The following PTPN9 variants were observed in gnomAD, a reference collection of about 807,000 sequenced individuals.
PTPN9 encodes protein tyrosine phosphatase non-receptor type 9, also known as tyrosine-protein phosphatase non-receptor type 9.
Under a neutral mutation model 69.8 loss-of-function variants are expected in PTPN9, and 26 were observed. That is an observed-to-expected ratio of 0.37 (90% confidence interval 0.27 to 0.52). The LOEUF (loss-of-function observed/expected upper bound fraction) is 0.52, where lower values mean the gene tolerates loss of function less well. Ranked by LOEUF, PTPN9 falls within the 20% of genes least tolerant of loss-of-function variation. PTPN9 has a pLI of 0.91. For missense variants in PTPN9, 549 were observed against 740.3 expected (o/e 0.74, Z 3.00); for synonymous variants, 274 against 272.5 (o/e 1.01, Z -0.05).
chr15:75,504,068 G>C, intron 7 of PTPN9, among the ~76,000 whole-genome samples: 1 of 130,006 alleles, frequency 7.7e-6, no homozygotes, highest in African/African-American at 2.9e-5. Flanking sequence ...GACCCGTCCG[G>C]GAGGGAGGTG....
chr15:75,480,207 T>C (rs1014822063), intron 8 of PTPN9, among the ~76,000 whole-genome samples: 2 of 152,180 alleles, frequency 1.3e-5, no homozygotes, highest in East Asian at 1.9e-4. Context: ...CAGAATAAAA[T>C]ATAAGAGTAA....
chr15:75,501,049 T>G (rs1173788860), intron 7 of PTPN9, among the ~76,000 whole-genome samples: 1 of 152,182 alleles, frequency 6.6e-6, no homozygotes, highest in Non-Finnish European at 1.5e-5. Context: ...TTTTCTCCTC[T>G]TATTTTCCTT....
intron 10 of PTPN9, among the ~76,000 whole-genome samples, chr15:75,471,851 G>A (rs1210775850): frequency 1.3e-5 from 2 of 151,920 alleles, no homozygotes; most frequent in Non-Finnish European, 1.5e-5. Flanking sequence ...GGCGGAGGTT[G>A]CAGTGAGCTG....
At position 75,578,707 on chromosome 15, in the gene PTPN9, C is replaced by A; in HGVS notation, c.63+7G>T. ...ACACCCAACGCGGCGGCCTCGGGCCCGCTTACCTGCTCCTCCTCCGGGGTC... is the reference window on the plus strand; with the variant it reads ...ACACCCAACGCGGCGGCCTCGGGCCAGCTTACCTGCTCCTCCTCCGGGGTC... On this transcript the variant is annotated splice_region_variant and intron_variant, in intron 1 of 12. Transcript: ENST00000618819. 5 of 1,370,542 alleles carry A rather than the reference C, an allele frequency of 3.6e-6. No individual in the cohort carries two copies. Among genetic ancestry groups the A allele is most frequent in the Non-Finnish European group, 4.7e-6 (5 of 1,058,766 alleles). The allele number at this position is 1,370,542 out of a possible 1,614,324, so 84.9% of individuals were successfully genotyped here.
In PTPN9 at chr15:75,559,183, G is replaced by A. The variant is rs188287195; in HGVS notation, c.63+19531C>T. On this transcript the variant is annotated intron_variant, in intron 1 of 12. Coordinates refer to ENST00000618819, the MANE Select transcript of PTPN9 (RefSeq NM_002833.4). ...AGGAGCGCCTCTGCCCGGCCGCCCC[G>A]TCTAAGTGAGGAGCCCCTCCGCCCG... Among the ~76,000 whole-genome samples, 1,268 of 149,910 alleles carry A rather than the reference G, an allele frequency of 8.5e-3. 23 individuals are homozygous for A. Among genetic ancestry groups the A allele is most frequent in the African/African-American group, 0.029 (1,200 of 40,826 alleles).
At chr15:75,576,549 A>C (rs2075174601) in intron 1 of PTPN9, among the ~76,000 whole-genome samples, 1 of 151,202 alleles carries the variant, frequency 6.6e-6, no homozygotes, top group African/African-American at 2.4e-5. Flanking sequence ...GTAACTCACG[A>C]CTGTAATCCC....
intron 1 of PTPN9, among the ~76,000 whole-genome samples, chr15:75,564,777 C>G (rs1310854379): frequency 6.6e-6 from 1 of 151,630 alleles, no homozygotes; most frequent in Non-Finnish European, 1.5e-5. Flanking sequence ...GGCAACACAA[C>G]AAGACCCTCT....
chr15:75,468,885 AGGCCCTCT>A lies in PTPN9; in HGVS notation c.1658_1665del (p.Gln553LeufsTer7). Reference sequence around the variant, plus strand: ...TACTGCTCAGGGGTCTGGATGCTGAAGGCCCTCTGGGTCCTCATGCGTGACACCGTCTG... The same window carrying A: ...TACTGCTCAGGGGTCTGGATGCTGAAGGGTCCTCATGCGTGACACCGTCTG... On this transcript the variant is annotated frameshift_variant, in exon 13 of 13. Coordinates refer to ENST00000618819, the MANE Select transcript of PTPN9 (RefSeq NM_002833.4). LOFTEE classifies it high-confidence loss of function. 6.2e-7 allele frequency: 1 copy of A among 1,614,186 alleles called. No individual in the cohort carries two copies. Among genetic ancestry groups the A allele is most frequent in the Non-Finnish European group, 8.5e-7 (1 of 1,180,022 alleles).
chr15:75,550,259 G>A (rs867706645), intron 1 of PTPN9, among the ~76,000 whole-genome samples: 2 of 147,816 alleles, frequency 1.4e-5, no homozygotes, highest in South Asian at 2.3e-4. Context: ...TCCACCTCCC[G>A]GATTCAAGCG....
chr15:75,511,260 C>CT (rs927231892), intron 5 of PTPN9, among the ~76,000 whole-genome samples: 17 of 150,470 alleles, frequency 1.1e-4, no homozygotes, highest in African/African-American at 3.4e-4. Flanking sequence ...TGTTTTTGTC[C>CT]TTTTTTTTTG....
chr15:75,577,511 A>G (rs1426663835), intron 1 of PTPN9, among the ~76,000 whole-genome samples: 1 of 152,182 alleles, frequency 6.6e-6, no homozygotes, highest in African/African-American at 2.4e-5. Context: ...TTTCCCATAC[A>G]GATTTCATCA....
Position 75,527,201 on chromosome 15 carries a change from G to GCCCC in PTPN9, c.123_124insGGGG (p.Leu42GlyfsTer17). 1 of 1,614,152 alleles carries GCCCC rather than the reference G, an allele frequency of 6.2e-7. No homozygotes were observed. On this transcript the variant is annotated frameshift_variant, in exon 2 of 13. Transcript: ENST00000618819. LOFTEE classifies it high-confidence loss of function. ...AACTTGACAGCCACATTCCAAGACA[G>GCCCC]CGGGGAAACATTGTACTGAACTGTC...
chr15:75,519,654 T>TA (rs796722683), intron 4 of PTPN9, among the ~76,000 whole-genome samples: 5 of 151,818 alleles, frequency 3.3e-5, no homozygotes, highest in African/African-American at 1.2e-4. Flanking sequence ...TAATTTTTAG[T>TA]AGAGATGGGG....
chr15:75,488,706 A>C (rs1039523471), intron 8 of PTPN9, among the ~76,000 whole-genome samples: 47 of 152,136 alleles, frequency 3.1e-4, no homozygotes, highest in African/African-American at 1.0e-3. Context: ...AGGTGGGAGG[A>C]TCGCTTGAGC....
intron 1 of PTPN9, among the ~76,000 whole-genome samples, chr15:75,556,447 G>T (rs372032841): frequency 6.6e-6 from 1 of 151,336 alleles, no homozygotes; most frequent in African/African-American, 2.4e-5. Context: ...GCACAATCTC[G>T]GCTCACTGCA....
In PTPN9 at chr15:75,578,954, A is replaced by G. The variant is rs1794450074; in HGVS notation, c.-178T>C. The G allele has an allele frequency of 3.3e-6, 1 of 307,018 alleles. No individual in the cohort carries two copies. The highest frequency in any genetic ancestry group is 5.9e-6 in the Non-Finnish European group (1 of 170,394). 19.0% of individuals were successfully genotyped at this position (307,018 alleles called of 1,614,324 possible). On this transcript the variant is annotated 5_prime_UTR_variant, in exon 1 of 13. Transcript: ENST00000618819. ...AAACGCCGCTTCTGCTTCCTTAAGA[A>G]AAATCTCTCCGAACTGCCGCTCTCT...
intron 8 of PTPN9, among the ~76,000 whole-genome samples, chr15:75,485,420 C>A (rs1251225953): frequency 7.6e-6 from 1 of 132,018 alleles, no homozygotes; most frequent in Non-Finnish European, 1.5e-5. Flanking sequence ...GGACTGCGGA[C>A]TGCAGTGGCG....
chr15:75,486,131 A>T lies in PTPN9; in HGVS notation c.1062+4077T>A, dbSNP rs1376458238. ...AAAAAAAAAAACAAAACTGAAAATG[A>T]CCCAGAGATAAAGTATACACTTGGG... On this transcript the variant is annotated intron_variant, in intron 8 of 12. Transcript: ENST00000618819. Among the ~76,000 whole-genome samples the T allele has an allele frequency of 4.6e-5, 7 of 151,162 alleles. No homozygotes were observed. In the East Asian group the frequency reaches 1.4e-3, roughly 29 times the overall value.
chr15:75,525,231 C>T (rs2141321352), intron 2 of PTPN9, among the ~76,000 whole-genome samples: 1 of 151,688 alleles, frequency 6.6e-6, no homozygotes, highest in South Asian at 2.1e-4. Flanking sequence ...GACCAAGTCT[C>T]ACACTGTTGC....
Sources: gnomAD v4.1 joint callset for allele counts (sites outside exome capture counted in the v4.1 genomes callset) on GRCh38, gnomAD v4.1.1 for gene constraint, MANE v1.5 for transcripts, NCBI Gene and HGNC (gene_info 2026-07-23, HGNC 2026-07-21) for gene names.